Variants in TAF11L12 observed in about 807,000 individuals in gnomAD.
The protein encoded by TAF11L12 is TATA-box binding protein associated factor 11 like 12.
At chr5:17,611,514 G>A in exon 1 of TAF11L12, 3 of 397,978 alleles carry the variant, frequency 7.5e-6, no homozygotes, top group Non-Finnish European at 1.3e-5. Context: ...AGCATTTAAG[G>A]GAGGCCGTTC....
At chr5:17,611,026 A>T (rs748665266) in exon 1 of TAF11L12, 41 of 397,776 alleles carry the variant, frequency 1.0e-4, no homozygotes, top group Non-Finnish European at 1.6e-4. Context: ...GTCTGCTGAG[A>T]TGTTCGCCAT....
exon 1 of TAF11L12, chr5:17,611,327 G>C (rs1184586695): frequency 1.0e-5 from 4 of 397,974 alleles, no homozygotes; most frequent in Non-Finnish European, 1.8e-5. Flanking sequence ...GTGTGTCGCC[G>C]GTCAGCTTTC....
chr5:17,611,724 A>G (rs1238690301), downstream of TAF11L12: 1 of 394,382 alleles, frequency 2.5e-6, no homozygotes, highest in East Asian at 3.6e-5. Flanking sequence ...GAAACTGTGA[A>G]GTTGACCTTA....
exon 1 of TAF11L12, chr5:17,611,529 G>A (rs1579619065): frequency 2.5e-6 from 1 of 397,856 alleles, no homozygotes. Context: ...CCGTTCGCAG[G>A]TTAAAGCCCA....
chr5:17,610,805 G>A (rs1019464056), exon 1 of TAF11L12: 2 of 388,878 alleles, frequency 5.1e-6, no homozygotes, highest in Non-Finnish European at 4.5e-6. Flanking sequence ...AGAACATTCA[G>A]TGTGTGTGTT....
exon 1 of TAF11L12, chr5:17,611,002 A>C: frequency 2.5e-6 from 1 of 397,942 alleles, no homozygotes; most frequent in Non-Finnish European, 4.4e-6. Context: ...GGAGACAGGC[A>C]GGCAAAGAGG....
chr5:17,611,912 G>A (rs567438558), downstream of TAF11L12, among the ~76,000 whole-genome samples: 1 of 151,388 alleles, frequency 6.6e-6, no homozygotes, highest in African/African-American at 2.4e-5. Context: ...CAGGAGATTT[G>A]TACGGTTTCA....
At chr5:17,611,136 G>C (rs1260648238) in exon 1 of TAF11L12, 3 of 397,966 alleles carry the variant, frequency 7.5e-6, no homozygotes, top group East Asian at 7.1e-5. Context: ...TCAGAAGTCA[G>C]GATGTCATGG....
exon 1 of TAF11L12, chr5:17,611,270 C>T (rs1430338383): frequency 2.5e-6 from 1 of 398,118 alleles, no homozygotes. Context: ...GCTCAGATGA[C>T]AACCCTGCTG....
exon 1 of TAF11L12, chr5:17,611,251 G>A (rs1739270591): frequency 2.5e-6 from 1 of 398,316 alleles, no homozygotes; most frequent in South Asian, 1.3e-4. Flanking sequence ...CACCGTGGAT[G>A]CAGAGGAGGC....
chr5:17,612,047 T>C (rs1739294473), downstream of TAF11L12, among the ~76,000 whole-genome samples: 1 of 151,568 alleles, frequency 6.6e-6, no homozygotes, highest in South Asian at 2.1e-4. Context: ...TATGTATTTG[T>C]TTTAGTCATC....
At chr5:17,611,216 C>A (rs1042075562) in exon 1 of TAF11L12, 34 of 398,202 alleles carry the variant, frequency 8.5e-5, no homozygotes, top group Middle Eastern at 6.3e-4. Flanking sequence ...AAAACAGATA[C>A]CAAGGGGAAG....
downstream of TAF11L12, among the ~76,000 whole-genome samples, chr5:17,612,006 ATTG>A (rs571863576): frequency 2.6e-3 from 392 of 151,474 alleles, 14 homozygotes; most frequent in African/African-American, 9.0e-3. Context: ...ATGTTTCCCA[ATTG>A]TTGTCCTCCT....
At chr5:17,612,007 T>G (rs1392898185), downstream of TAF11L12, among the ~76,000 whole-genome samples, 2 of 150,738 alleles carry the variant, frequency 1.3e-5, no homozygotes, top group African/African-American at 4.9e-5. Flanking sequence ...TGTTTCCCAA[T>G]TGTTGTCCTC....
chr5:17,611,550 C>A (rs1357799155), exon 1 of TAF11L12: 4 of 397,846 alleles, frequency 1.0e-5, no homozygotes, highest in African/African-American at 2.1e-5. Context: ...AGGGCCTCTT[C>A]CCCAACAGCA....
downstream of TAF11L12, chr5:17,611,731 C>T (rs1275630939): frequency 7.6e-6 from 3 of 394,182 alleles, no homozygotes; most frequent in Non-Finnish European, 8.9e-6. Flanking sequence ...TGAAGTTGAC[C>T]TTACCTAGGT....
the TAF11L12 span, chr5:17,611,203 C>T: frequency 2.5e-6 from 1 of 398,118 alleles, no homozygotes; most frequent in Non-Finnish European, 4.4e-6. Context: ...AGCCAAAAGA[C>T]AGAAAACAGA....
exon 1 of TAF11L12, chr5:17,611,325 C>T: frequency 2.5e-6 from 1 of 398,010 alleles, no homozygotes; most frequent in East Asian, 3.6e-5. Context: ...AAGTGTGTCG[C>T]CGGTCAGCTT....
chr5:17,611,583 A>G (rs1426307651), exon 1 of TAF11L12: 17 of 397,902 alleles, frequency 4.3e-5, no homozygotes, highest in East Asian at 2.9e-4. Context: ...TCATGTTCTA[A>G]GCCCAAGGCC....
Sources: gnomAD v4.1 joint callset for allele counts (sites outside exome capture counted in the v4.1 genomes callset) on GRCh38, gnomAD v4.1.1 for gene constraint, MANE v1.5 for transcripts, NCBI Gene and HGNC (gene_info 2026-07-23, HGNC 2026-07-21) for gene names.